The following TLK2 variants were observed in gnomAD, a reference collection of about 807,000 sequenced individuals.
The protein encoded by TLK2 is serine/threonine-protein kinase tousled-like 2.
In TLK2, 6 loss-of-function variants were observed where a neutral mutation model predicts 117.3. That is an observed-to-expected ratio of 0.05 (90% confidence interval 0.03 to 0.10). TLK2 has a LOEUF of 0.10. Among genes scored for constraint, TLK2 ranks in the 10% least tolerant of loss-of-function variants. TLK2 has a pLI of 1.00. For synonymous variants in TLK2, 257 were observed against 316.7 expected (o/e 0.81, Z 2.00); for missense variants, 299 against 901.2 (o/e 0.33, Z 8.56).
At chr17:62,606,708 G>A (rs1320336536) in intron 20 of TLK2, among the ~76,000 whole-genome samples, 5 of 152,200 alleles carry the variant, frequency 3.3e-5, no homozygotes, top group African/African-American at 4.8e-5. Context: ...GTGTCAGGAT[G>A]TATTCATTGT....
intron 2 of TLK2, among the ~76,000 whole-genome samples, chr17:62,492,863 C>T (rs868460236): frequency 2.6e-5 from 4 of 151,618 alleles, no homozygotes; most frequent in African/African-American, 7.3e-5. Context: ...TTTGGGAGGC[C>T]GAGGTGGGCA....
intron 8 of TLK2, 110 bp downstream of exon 8, chr17:62,552,507 C>G (rs1340680499): frequency 1.0e-5 from 16 of 1,535,262 alleles, no homozygotes; most frequent in Non-Finnish European, 1.4e-5. Flanking sequence ...TCTCTGACCA[C>G]CTCATTATTT....
intron 19 of TLK2, among the ~76,000 whole-genome samples, chr17:62,605,335 T>C (rs2083203501): frequency 6.6e-6 from 1 of 152,162 alleles, no homozygotes; most frequent in African/African-American, 2.4e-5. Flanking sequence ...AATTGAGAAC[T>C]ATTTTGATGC....
At chr17:62,518,611 C>T (rs1430715442) in intron 2 of TLK2, among the ~76,000 whole-genome samples, 1 of 151,832 alleles carries the variant, frequency 6.6e-6, no homozygotes, top group African/African-American at 2.4e-5. Context: ...GAGGCTGAGG[C>T]GGAAGAATTG....
At chr17:62,559,420 C>G (rs1335102124) in intron 9 of TLK2, among the ~76,000 whole-genome samples, 5 of 150,588 alleles carry the variant, frequency 3.3e-5, no homozygotes, top group Non-Finnish European at 5.9e-5. Flanking sequence ...ACTCTGTCAC[C>G]TAGGCTGGAG....
chr17:62,530,893 T>G (rs568669789), intron 6 of TLK2, among the ~76,000 whole-genome samples: 2 of 152,240 alleles, frequency 1.3e-5, no homozygotes, highest in East Asian at 3.9e-4. Flanking sequence ...TTCGCTTTCT[T>G]TTTTTTTCTT....
intron 7 of TLK2, among the ~76,000 whole-genome samples, chr17:62,545,470 A>G (rs1383631258): frequency 1.3e-5 from 2 of 152,110 alleles, no homozygotes; most frequent in African/African-American, 4.8e-5. Context: ...ATATTACATT[A>G]GCCAGGCATG....
chr17:62,521,074 C>CTCCGGGA (rs2076011997), intron 3 of TLK2, among the ~76,000 whole-genome samples: 1 of 152,128 alleles, frequency 6.6e-6, no homozygotes, highest in Non-Finnish European at 1.5e-5. Context: ...GTCGGAGGAT[C>CTCCGGGA]GTTTGCACCC....
At chr17:62,487,150 G>T (rs981218504) in intron 2 of TLK2, among the ~76,000 whole-genome samples, 8 of 152,074 alleles carry the variant, frequency 5.3e-5, no homozygotes, top group African/African-American at 1.4e-4. Flanking sequence ...AAATAAGCCG[G>T]GCGTGGTGGC....
At chr17:62,597,069 T>G (rs985607873) in intron 17 of TLK2, among the ~76,000 whole-genome samples, 1 of 152,246 alleles carries the variant, frequency 6.6e-6, no homozygotes, top group African/African-American at 2.4e-5. Context: ...TTTAGTGGTT[T>G]GTAGCATATT....
At chr17:62,551,511 C>T (rs988020346) in intron 7 of TLK2, 2 of 152,126 alleles carry the variant, frequency 1.3e-5, no homozygotes, top group Non-Finnish European at 2.9e-5. Flanking sequence ...CAAGACCATC[C>T]TGGCTAACAC....
rs1257840490 is a variant in TLK2, at chr17:62,600,562, G to T, written c.1551-89G>T. ...AAGAAGAAAGGAGTGAGAAGCTGAT[G>T]ACCTGAAGTTTTCACATGGGACTAA... is the stretch of plus-strand genomic sequence containing the variant. On this transcript the variant is annotated intron_variant, in intron 17 of 21. Coordinates refer to ENST00000346027, the MANE Select transcript of TLK2 (RefSeq NM_006852.6). 19 of 1,091,086 alleles carry T rather than the reference G, an allele frequency of 1.7e-5. No homozygotes were observed. In the East Asian group the frequency reaches 4.7e-4, roughly 27 times the overall value. 67.6% of individuals were successfully genotyped at this position (1,091,086 alleles called of 1,614,324 possible).
chr17:62,537,456 G>C (rs145197106), intron 7 of TLK2, among the ~76,000 whole-genome samples: 2 of 152,290 alleles, frequency 1.3e-5, no homozygotes, highest in East Asian at 3.9e-4. Context: ...TGGAGTTTGC[G>C]TGTTTTCTCC....
chr17:62,608,171 G>A (rs2083452804), intron 21 of TLK2, 23 bp downstream of exon 21: 1 of 1,593,374 alleles, frequency 6.3e-7, no homozygotes, highest in East Asian at 2.2e-5. Context: ...TGACCCATTG[G>A]CCAACAGAAA....
At chr17:62,572,642 A>G (rs1368429421) in intron 11 of TLK2, among the ~76,000 whole-genome samples, 1 of 152,200 alleles carries the variant, frequency 6.6e-6, no homozygotes, top group Non-Finnish European at 1.5e-5. Flanking sequence ...TTTTCTTTTA[A>G]AAACTTAATC....
intron 2 of TLK2, among the ~76,000 whole-genome samples, chr17:62,506,154 T>C (rs1598276709): frequency 6.6e-6 from 1 of 152,286 alleles, no homozygotes; most frequent in Non-Finnish European, 1.5e-5. Flanking sequence ...ATCATGTGAT[T>C]ATAGGTTAGT....
intron 2 of TLK2, among the ~76,000 whole-genome samples, chr17:62,514,871 G>A (rs1294837499): frequency 1.3e-5 from 2 of 152,124 alleles, no homozygotes; most frequent in Non-Finnish European, 2.9e-5. Context: ...GAGCCACCGC[G>A]CCCAGCCCTG....
chr17:62,576,823 AAATT>A (rs1326457425), intron 13 of TLK2, 48 bp downstream of exon 13: 2 of 1,473,444 alleles, frequency 1.4e-6, no homozygotes, highest in African/African-American at 1.4e-5. Context: ...TACCTAGTTT[AAATT>A]TGGGGTTGAA....
rs1172958970 is a variant in TLK2 at position 62,539,223 on chromosome 17, T to C, written c.531+2886T>C. Among the ~76,000 whole-genome samples, 5 of 152,226 alleles carry C rather than the reference T, an allele frequency of 3.3e-5. No individual in the cohort carries two copies. In the East Asian group the frequency reaches 9.6e-4, roughly 29 times the overall value. On this transcript the variant is annotated intron_variant, in intron 7 of 21. Transcript: ENST00000346027. Reference sequence around the variant, plus strand: ...CAAAGATATTTATTGAGGTATTGTTTATTGTTGCAAAAAATCTGGAAGCAG... The same window carrying C: ...CAAAGATATTTATTGAGGTATTGTTCATTGTTGCAAAAAATCTGGAAGCAG...
Sources: gnomAD v4.1 joint callset for allele counts (sites outside exome capture counted in the v4.1 genomes callset) on GRCh38, gnomAD v4.1.1 for gene constraint, MANE v1.5 for transcripts, NCBI Gene and HGNC (gene_info 2026-07-23, HGNC 2026-07-21) for gene names.